The following RASGRP3 variants were observed in gnomAD, a reference collection of about 807,000 sequenced individuals.
The protein encoded by RASGRP3 is ras guanyl-releasing protein 3.
In RASGRP3, 54 loss-of-function variants were observed where a neutral mutation model predicts 82.7. That is an observed-to-expected ratio of 0.65 (90% CI 0.52 to 0.82). The LOEUF (loss-of-function observed/expected upper bound fraction) is 0.82, where lower values mean the gene tolerates loss of function less well. Among genes scored for constraint, RASGRP3 ranks in the 40% least tolerant of loss-of-function variants. The pLI is 0.00. For synonymous variants in RASGRP3, 309 were observed against 300.5 expected, an observed-to-expected ratio of 1.03 and a Z score of -0.29; for missense variants, 861 against 828.9, an observed-to-expected ratio of 1.04 and a Z score of -0.48.
At position 33,439,643 on chromosome 2, in the gene RASGRP3, G is replaced by A. The variant is rs558897973; in HGVS notation, c.-385+3052G>A. Among the ~76,000 whole-genome samples, 4 of 152,266 alleles carry A rather than the reference G, an allele frequency of 2.6e-5. No homozygotes were observed. In the South Asian group the frequency reaches 8.3e-4, roughly 32 times the overall value. ...ATCAGAAACTCACACTTAGCTGGGGGCCCTGTATTCTGATTTCCCAAATCT... is the reference window on the plus strand; with the variant it reads ...ATCAGAAACTCACACTTAGCTGGGGACCCTGTATTCTGATTTCCCAAATCT... On this transcript the variant is annotated intron_variant, in intron 1 of 18. Transcript: ENST00000402538.
At chr2:33,525,720 A>AAAC (rs1672490134) in intron 9 of RASGRP3, among the ~76,000 whole-genome samples, 1 of 149,214 alleles carries the variant, frequency 6.7e-6, no homozygotes, top group East Asian at 2.0e-4. Flanking sequence ...AAAAAAAAAA[A>AAAC]AAAAAAACTA....
intron 3 of RASGRP3, among the ~76,000 whole-genome samples, chr2:33,515,552 T>C (rs952805884): frequency 1.3e-5 from 2 of 152,242 alleles, no homozygotes; most frequent in Non-Finnish European, 2.9e-5. Context: ...TCAGGAATGC[T>C]GCTTGCCTCT....
chr2:33,525,340 G>A (rs1185700238), intron 9 of RASGRP3, among the ~76,000 whole-genome samples: 1 of 119,008 alleles, frequency 8.4e-6, no homozygotes, highest in South Asian at 2.5e-4. Flanking sequence ...GAATTGTCAT[G>A]AATATATATA....
At chr2:33,478,127 T>C (rs1415617073) in intron 1 of RASGRP3, among the ~76,000 whole-genome samples, 1 of 152,122 alleles carries the variant, frequency 6.6e-6, no homozygotes, top group African/African-American at 2.4e-5. Context: ...CTCAGCACAG[T>C]GGGTCTTGAG....
chr2:33,453,484 A>C (rs2150887846), intron 2 of RASGRP3, among the ~76,000 whole-genome samples: 1 of 152,332 alleles, frequency 6.6e-6, no homozygotes, highest in East Asian at 1.9e-4. Flanking sequence ...GCTGGCTGTT[A>C]GCTGAGACTT....
intron 1 of RASGRP3, among the ~76,000 whole-genome samples, chr2:33,444,032 G>A (rs1251922808): frequency 6.6e-6 from 1 of 152,220 alleles, no homozygotes; most frequent in Non-Finnish European, 1.5e-5. Flanking sequence ...GTGGGGGATA[G>A]TGCCTTACAC....
chr2:33,438,403 A>C (rs1388161393), intron 1 of RASGRP3, among the ~76,000 whole-genome samples: 1 of 152,110 alleles, frequency 6.6e-6, no homozygotes, highest in East Asian at 1.9e-4. Context: ...TCTCTACTAA[A>C]TATACAAAAT....
Position 33,436,936 on chromosome 2 carries a change from G to A in RASGRP3, c.-385+345G>A, listed in dbSNP as rs573539975. On this transcript the variant is annotated intron_variant, in intron 1 of 18. Coordinates refer to the RASGRP3 transcript ENST00000402538. Reference sequence around the variant, plus strand: ...GCTTGTCTGCCCTTTTCAAATTGCTGATTAATAATCCACCTATAATTTATT... The same window carrying A: ...GCTTGTCTGCCCTTTTCAAATTGCTAATTAATAATCCACCTATAATTTATT... Among the ~76,000 whole-genome samples, 19 of 152,050 alleles carry A rather than the reference G, an allele frequency of 1.2e-4. No individual in the cohort carries two copies. In the South Asian group the frequency reaches 3.7e-3, roughly 30 times the overall value.
At chr2:33,440,176 C>A (rs778684362) in intron 1 of RASGRP3, among the ~76,000 whole-genome samples, 9 of 152,022 alleles carry the variant, frequency 5.9e-5, no homozygotes, top group Non-Finnish European at 1.5e-5. Flanking sequence ...AAATAGTAAG[C>A]GAACAGCTGA....
At chr2:33,530,486 C>T (rs1488290909) in intron 10 of RASGRP3, among the ~76,000 whole-genome samples, 2 of 150,006 alleles carry the variant, frequency 1.3e-5, no homozygotes, top group Non-Finnish European at 3.0e-5. Flanking sequence ...TAACATCACC[C>T]CTGCCCCTTC....
At chr2:33,450,794 TTTTCTTTCTTTTTCTC>T (rs1665742855) in intron 2 of RASGRP3, among the ~76,000 whole-genome samples, 1 of 146,842 alleles carries the variant, frequency 6.8e-6, no homozygotes, top group Non-Finnish European at 1.5e-5. Context: ...TTCTTTTTTC[TTTTCTTTCTTTTTCTC>T]TTTCTTTCTT....
intron 13 of RASGRP3, among the ~76,000 whole-genome samples, chr2:33,548,177 C>T (rs1486927139): frequency 1.8e-4 from 28 of 151,754 alleles, no homozygotes; most frequent in Admixed American, 1.5e-3. Flanking sequence ...TTGGCTAACA[C>T]GGTGAAACCC....
At position 33,558,203 on chromosome 2, in the gene RASGRP3, T is replaced by A. The variant is rs1207603695; in HGVS notation, c.1580-8T>A. On this transcript the variant is annotated splice_region_variant and splice_polypyrimidine_tract_variant and intron_variant, in intron 15 of 17. Coordinates refer to ENST00000403687, the MANE Select transcript of RASGRP3 (RefSeq NM_001139488.2). ...CTAATCATCTGCGACACCCTTGGAA[T>A]TTTTCAGACTGTGGAGCCAATTGTC... The A allele has an allele frequency of 4.4e-6, 7 of 1,609,166 alleles. No individual in the cohort carries two copies. The highest frequency in any genetic ancestry group is 5.1e-6 in the Non-Finnish European group (6 of 1,177,824).
chr2:33,539,389 A>G (rs1674003914), intron 12 of RASGRP3, 179 bp downstream of exon 12: 1 of 552,992 alleles, frequency 1.8e-6, no homozygotes, highest in Non-Finnish European at 3.3e-6. Context: ...TCGATCAGAA[A>G]GGCCCTTTTC....
chr2:33,488,298 T>G (rs376581727), intron 1 of RASGRP3, among the ~76,000 whole-genome samples: 12 of 152,368 alleles, frequency 7.9e-5, no homozygotes, highest in Admixed American at 7.2e-4. Context: ...GCAAGCTTTT[T>G]GCCAGTAACT....
rs749224315 is a variant in RASGRP3, at chr2:33,520,558, G to A, written c.242G>A (p.Trp81Ter). The A allele has an allele frequency of 2.4e-5, 39 of 1,613,778 alleles. No homozygotes were observed. The highest frequency in any genetic ancestry group is 3.3e-5 in the Non-Finnish European group (39 of 1,179,714). Reference sequence around the variant, plus strand: ...AAATATTTGATGCCTTTCAGGTACTGGATTCTGAAGTTTCCTGCAGAGTTT... The same window carrying A: ...AAATATTTGATGCCTTTCAGGTACTAGATTCTGAAGTTTCCTGCAGAGTTT... ...RLKICYFMRY[W>*]ILKFPAEFNL... The change falls in exon 6 of 18, where the codon TGG (tryptophan) becomes TAG (stop). Residue 81 changes from tryptophan to a stop codon, truncating the protein, a stop_gained. Transcript: ENST00000403687. LOFTEE classifies it high-confidence loss of function.
intron 2 of RASGRP3, among the ~76,000 whole-genome samples, chr2:33,452,211 G>A (rs796257386): frequency 9.2e-5 from 14 of 152,250 alleles, no homozygotes; most frequent in African/African-American, 3.1e-4. Context: ...TCTCTGACAG[G>A]CAGTTCATAG....
intron 6 of RASGRP3, among the ~76,000 whole-genome samples, chr2:33,521,390 A>C (rs1184076393): frequency 6.6e-6 from 1 of 151,996 alleles, no homozygotes; most frequent in Non-Finnish European, 1.5e-5. Context: ...TTCATAGTCT[A>C]CTCTGTTTTC....
chr2:33,550,638 T>G (rs561465478), intron 14 of RASGRP3, among the ~76,000 whole-genome samples: 1 of 152,210 alleles, frequency 6.6e-6, no homozygotes, highest in South Asian at 2.1e-4. Flanking sequence ...CAGAGGAGTA[T>G]GACAATCGCC....
Sources: allele counts gnomAD v4.1 joint callset (sites outside exome capture counted in the v4.1 genomes callset), GRCh38; gene constraint gnomAD v4.1.1; transcripts MANE v1.5; gene names NCBI Gene and HGNC (gene_info 2026-07-23, HGNC 2026-07-21).